PTPRD: variants seen among roughly 807,000 people sequenced by gnomAD.
PTPRD encodes the protein receptor-type tyrosine-protein phosphatase delta.
Under a neutral mutation model 214.5 loss-of-function variants are expected in PTPRD, and 34 were observed. The ratio of observed to expected loss-of-function variants is 0.16; its 90% CI spans 0.12 to 0.21. The LOEUF (loss-of-function observed/expected upper bound fraction) is 0.21. PTPRD is among the 10% of genes least tolerant of loss of function. The probability of loss-of-function intolerance (pLI) is 1.00; values close to 1 mark genes in which losing one functional copy is unlikely to be tolerated. For synonymous variants in PTPRD, 1,128 were observed against 845.7 expected (o/e 1.33, Z -5.79); for missense variants, 2,545 against 2,398.7 (o/e 1.06, Z -1.27).
chr9:8,836,008 T>G (rs764026855), intron 11 of PTPRD, among the ~76,000 whole-genome samples: 1 of 152,186 alleles, frequency 6.6e-6, no homozygotes, highest in Non-Finnish European at 1.5e-5. Flanking sequence ...CAGTAGGAAC[T>G]TCATAAATAT....
chr9:10,099,882 G>C (rs189855734), intron 3 of PTPRD, among the ~76,000 whole-genome samples: 8 of 151,686 alleles, frequency 5.3e-5, no homozygotes, highest in South Asian at 2.1e-4. Context: ...AGAAAAAATG[G>C]TATCACAACT....
At chr9:10,592,806 G>T (rs576423850) in intron 2 of PTPRD, among the ~76,000 whole-genome samples, 1 of 151,924 alleles carries the variant, frequency 6.6e-6, no homozygotes, top group Non-Finnish European at 1.5e-5. Flanking sequence ...GTAGCCAATC[G>T]CAGGGAGGAT....
intron 11 of PTPRD, among the ~76,000 whole-genome samples, chr9:8,868,467 G>A (rs559498684): frequency 1.3e-5 from 2 of 152,246 alleles, no homozygotes; most frequent in South Asian, 2.1e-4. Flanking sequence ...GCCTCCCAAA[G>A]TGCTGGGATT....
intron 14 of PTPRD, among the ~76,000 whole-genome samples, chr9:8,556,820 G>C (rs1410032969): frequency 6.6e-6 from 1 of 152,126 alleles, no homozygotes; most frequent in African/African-American, 2.4e-5. Flanking sequence ...GGCTAAAAGA[G>C]ATAGCATAGG....
chr9:10,368,361 T>C (rs985844833), intron 2 of PTPRD, among the ~76,000 whole-genome samples: 1 of 152,122 alleles, frequency 6.6e-6, no homozygotes, highest in Non-Finnish European at 1.5e-5. Context: ...TGGATTTTCT[T>C]TGCTAGAGAC....
At chr9:10,372,855 A>ATTATTAATT (rs33976967) in intron 2 of PTPRD, among the ~76,000 whole-genome samples, 24 of 31,556 alleles carry the variant, frequency 7.6e-4, no homozygotes, top group Admixed American at 1.7e-3. Flanking sequence ...TATTATTATT[A>ATTATTAATT]ATTATTATTA....
chr9:10,067,136 C>T (rs2154175631), intron 3 of PTPRD, among the ~76,000 whole-genome samples: 1 of 151,972 alleles, frequency 6.6e-6, no homozygotes, highest in South Asian at 2.1e-4. Flanking sequence ...GATTGCAGTG[C>T]TTGGCATTGT....
intron 8 of PTPRD, among the ~76,000 whole-genome samples, chr9:9,530,515 A>C (rs1428295260): frequency 1.3e-5 from 2 of 152,094 alleles, no homozygotes; most frequent in Non-Finnish European, 2.9e-5. Flanking sequence ...AAACAAAGAA[A>C]AGCCCAGGAC....
intron 2 of PTPRD, among the ~76,000 whole-genome samples, chr9:10,470,278 A>C (rs939368910): frequency 1.3e-5 from 2 of 152,104 alleles, no homozygotes; most frequent in Non-Finnish European, 2.9e-5. Context: ...AAAAACAAAA[A>C]TAAAAAATAA....
intron 6 of PTPRD, among the ~76,000 whole-genome samples, chr9:9,755,890 T>C (rs909431279): frequency 5.3e-5 from 8 of 152,022 alleles, no homozygotes; most frequent in Non-Finnish European, 8.8e-5. Flanking sequence ...TAATTTTATA[T>C]TTTAAAACAT....
At chr9:9,835,871 A>G (rs1413241681) in intron 5 of PTPRD, among the ~76,000 whole-genome samples, 1 of 152,116 alleles carries the variant, frequency 6.6e-6, no homozygotes, top group Non-Finnish European at 1.5e-5. Context: ...TATGGAGAGT[A>G]GTCAATCATC....
chr9:8,485,639 C>G, intron 28 of PTPRD, 123 bp downstream of exon 28: 2 of 896,690 alleles, frequency 2.2e-6, no homozygotes, highest in South Asian at 1.8e-5. Flanking sequence ...CATACTTTAC[C>G]TTTTTGTTTT....
intron 2 of PTPRD, among the ~76,000 whole-genome samples, chr9:10,420,886 T>C (rs1317664544): frequency 6.6e-6 from 1 of 151,764 alleles, no homozygotes; most frequent in Non-Finnish European, 1.5e-5. Flanking sequence ...ATATTATTTC[T>C]AAGACTCCCA....
intron 2 of PTPRD, among the ~76,000 whole-genome samples, chr9:10,490,769 C>G (rs1474165080): frequency 1.3e-5 from 2 of 152,084 alleles, no homozygotes; most frequent in Non-Finnish European, 2.9e-5. Flanking sequence ...ACATTTCAGG[C>G]AAATATTTTG....
intron 7 of PTPRD, among the ~76,000 whole-genome samples, chr9:9,602,274 G>T (rs887965780): frequency 6.6e-6 from 1 of 151,926 alleles, no homozygotes; most frequent in African/African-American, 2.4e-5. Flanking sequence ...TTATACAAAT[G>T]ATTTAGGCAT....
intron 2 of PTPRD, among the ~76,000 whole-genome samples, chr9:10,452,237 A>C (rs1428205935): frequency 6.6e-6 from 1 of 151,954 alleles, no homozygotes; most frequent in Non-Finnish European, 1.5e-5. Context: ...GTGGACACTC[A>C]GGCTTTTCCA....
At chr9:10,268,422 T>G (rs2094220757) in intron 3 of PTPRD, among the ~76,000 whole-genome samples, 1 of 152,044 alleles carries the variant, frequency 6.6e-6, no homozygotes, top group Non-Finnish European at 1.5e-5. Flanking sequence ...AATAGTTTTC[T>G]TAGGGATTTA....
At chr9:10,568,940 A>T (rs2131852646) in intron 2 of PTPRD, among the ~76,000 whole-genome samples, 1 of 152,298 alleles carries the variant, frequency 6.6e-6, no homozygotes, top group Non-Finnish European at 1.5e-5. Context: ...ATTAAACTAA[A>T]GAGCTTCTGC....
intron 6 of PTPRD, among the ~76,000 whole-genome samples, chr9:9,761,812 A>G (rs2098659872): frequency 6.6e-6 from 1 of 152,204 alleles, no homozygotes; most frequent in Non-Finnish European, 1.5e-5. Context: ...TAAACTGAAC[A>G]GAATTAGTCC....
Sources: allele counts gnomAD v4.1 joint callset (sites outside exome capture counted in the v4.1 genomes callset), GRCh38; gene constraint gnomAD v4.1.1; transcripts MANE v1.5; gene names NCBI Gene and HGNC (gene_info 2026-07-23, HGNC 2026-07-21).